IST1: variants seen among roughly 807,000 people sequenced by gnomAD.
The protein encoded by IST1 is IST1 factor associated with ESCRT-III.
Under a neutral mutation model 37.0 loss-of-function variants are expected in IST1, and 23 were observed. That is an observed-to-expected ratio of 0.62 (90% CI 0.45 to 0.88). The LOEUF is 0.88. Among genes scored for constraint, IST1 ranks in the 40% least tolerant of loss-of-function variants. IST1 has a pLI of 0.00. For synonymous variants in IST1, 180 were observed against 161.7 expected (o/e 1.11, Z -0.86); for missense variants, 488 against 445.4 (o/e 1.10, Z -0.86).
intron 9 of IST1, among the ~76,000 whole-genome samples, chr16:71,926,314 T>C (rs1273238977): frequency 1.3e-5 from 2 of 151,916 alleles, no homozygotes; most frequent in Non-Finnish European, 2.9e-5. Context: ...ACAGTTGTCT[T>C]ATGGAGATAC....
intron 1 of IST1, among the ~76,000 whole-genome samples, chr16:71,898,992 C>T (rs915177492): frequency 4.0e-5 from 6 of 149,272 alleles, no homozygotes; most frequent in East Asian, 2.0e-4. Context: ...AAGAAACACT[C>T]TTGGTAAAAG....
intron 1 of IST1, among the ~76,000 whole-genome samples, chr16:71,903,423 T>C (rs904888674): frequency 1.3e-5 from 2 of 152,180 alleles, no homozygotes; most frequent in African/African-American, 4.8e-5. Context: ...AGCTTTCTCT[T>C]TGACCTCCAA....
chr16:71,925,197 T>C (rs1363075848), intron 9 of IST1, among the ~76,000 whole-genome samples: 7 of 151,830 alleles, frequency 4.6e-5, no homozygotes, highest in African/African-American at 1.7e-4. Context: ...GTATTTTTAG[T>C]AGAGACGGGG....
chr16:71,930,082 C>T lies in IST1; in HGVS notation c.*2269C>T. 1.3e-6 allele frequency: 2 copies of T among 1,551,418 alleles called. No individual in the cohort carries two copies. The highest frequency in any genetic ancestry group is 1.2e-5 in the South Asian group (1 of 84,036). The stretch of plus-strand genomic sequence containing the variant: ...GCGACTTTCTTTCTTTTCCAAAGGC[C>T]ATGAGAATGGCCGAAACGAAAAGAT... On this transcript the variant is annotated 3_prime_UTR_variant, in exon 10 of 10. Transcript: ENST00000378799.
chr16:71,915,786 A>G, intron 2 of IST1, 58 bp downstream of exon 2: 1 of 1,069,980 alleles, frequency 9.3e-7, no homozygotes, highest in Non-Finnish European at 1.4e-6. Flanking sequence ...CACCCCAGTA[A>G]TGGGTCTTTC....
At position 71,929,865 on chromosome 16, in the gene IST1, C is replaced by A; in HGVS notation, c.*2052C>A. On this transcript the variant is annotated 3_prime_UTR_variant, in exon 10 of 10. Coordinates refer to ENST00000378799, the MANE Select transcript of IST1 (RefSeq NM_001270975.2). Reference sequence around the variant, plus strand: ...GAGCCAACTATTTATAGGACAATGGCTATAGAATATTATGTAGTCTTATAA... The same window carrying A: ...GAGCCAACTATTTATAGGACAATGGATATAGAATATTATGTAGTCTTATAA... The A allele has an allele frequency of 1.0e-6, 1 of 965,756 alleles. No homozygotes were observed. The highest frequency in any genetic ancestry group is 1.5e-6 in the Non-Finnish European group (1 of 668,524). 59.8% of individuals were successfully genotyped at this position (965,756 alleles called of 1,614,324 possible).
At position 71,927,964 on chromosome 16, in the gene IST1, C is replaced by T; in HGVS notation, c.*151C>T. The T allele has an allele frequency of 3.2e-6, 2 of 627,106 alleles. No homozygotes were observed. The highest frequency in any genetic ancestry group is 3.7e-5 in the South Asian group (2 of 53,450). 38.8% of individuals were successfully genotyped at this position (627,106 alleles called of 1,614,324 possible). On this transcript the variant is annotated 3_prime_UTR_variant, in exon 10 of 10. Coordinates refer to ENST00000378799, the MANE Select transcript of IST1 (RefSeq NM_001270975.2). ...GGCTCTCTTCCTGCTCCTCCAGATTCTGCTGCTTTCCAGTTCTCTGTTGAT... is the reference window on the plus strand; with the variant it reads ...GGCTCTCTTCCTGCTCCTCCAGATTTTGCTGCTTTCCAGTTCTCTGTTGAT...
intron 1 of IST1, among the ~76,000 whole-genome samples, chr16:71,900,453 G>T (rs1471141180): frequency 1.3e-5 from 2 of 148,214 alleles, no homozygotes; most frequent in East Asian, 2.0e-4. Context: ...TCCTCCTCCA[G>T]ATATCCTAAG....
In IST1 at chr16:71,922,693, A is replaced by AG; in HGVS notation, c.759+13_759+14insG. Reference sequence around the variant, plus strand: ...GCCAAAGGGACCAGTAAGTATATATAAGTGTGGATGTAAGCTTTAGAAAAT... The same window carrying AG: ...GCCAAAGGGACCAGTAAGTATATATAGAGTGTGGATGTAAGCTTTAGAAAAT... On this transcript the variant is annotated intron_variant, in intron 7 of 9. Coordinates refer to ENST00000378799, the MANE Select transcript of IST1 (RefSeq NM_001270975.2). 6.7e-7 allele frequency: 1 copy of AG among 1,495,580 alleles called. No homozygotes were observed. The highest frequency in any genetic ancestry group is 9.1e-7 in the Non-Finnish European group (1 of 1,103,414). The allele number at this position is 1,495,580 out of a possible 1,614,324, so 92.6% of individuals were successfully genotyped here.
chr16:71,907,090 T>C (rs1194491088), intron 1 of IST1, among the ~76,000 whole-genome samples: 2 of 152,158 alleles, frequency 1.3e-5, no homozygotes, highest in East Asian at 3.9e-4. Context: ...TGAATTTCTT[T>C]GTATTTTGTC....
In IST1 at chr16:71,929,770, AGTAAAT is replaced by A; in HGVS notation, c.*1963_*1968del. ...AAGTACCAAAGATTTTTAAAAAATT[AGTAAAT>A]GTAAAGATACTATTTCTTTAATAAT... On this transcript the variant is annotated 3_prime_UTR_variant, in exon 10 of 10. Coordinates refer to ENST00000378799, the MANE Select transcript of IST1 (RefSeq NM_001270975.2). 1 of 1,240,874 alleles carries A rather than the reference AGTAAAT, an allele frequency of 8.1e-7. No individual in the cohort carries two copies. The highest frequency in any genetic ancestry group is 1.1e-6 in the Non-Finnish European group (1 of 907,264). 76.9% of individuals were successfully genotyped at this position (1,240,874 alleles called of 1,614,324 possible).
intron 1 of IST1, among the ~76,000 whole-genome samples, chr16:71,899,649 G>A (rs2037056899): frequency 6.6e-6 from 1 of 152,178 alleles, no homozygotes; most frequent in South Asian, 2.1e-4. Context: ...GCCGAGGCGG[G>A]TGGATCACCT....
At chr16:71,901,864 C>T (rs769790572) in intron 1 of IST1, among the ~76,000 whole-genome samples, 1 of 152,120 alleles carries the variant, frequency 6.6e-6, no homozygotes, top group South Asian at 2.1e-4. Flanking sequence ...GGGTGACATA[C>T]CGTTCTAGGC....
At chr16:71,908,061 A>C (rs892639494) in intron 1 of IST1, among the ~76,000 whole-genome samples, 3 of 151,980 alleles carry the variant, frequency 2.0e-5, no homozygotes, top group African/African-American at 7.3e-5. Flanking sequence ...TCTCTGCCTC[A>C]GCCTCCTGAG....
Position 71,917,211 on chromosome 16 carries a change from C to T in IST1, c.357+77C>T, listed in dbSNP as rs566818131. 13 of 818,712 alleles carry T rather than the reference C, an allele frequency of 1.6e-5. No individual in the cohort carries two copies. In the African/African-American group the frequency reaches 2.2e-4, roughly 14 times the overall value. 50.7% of individuals were successfully genotyped at this position (818,712 alleles called of 1,614,324 possible). Reference sequence around the variant, plus strand: ...GGTTGGTTAATATAAGTTACTTCTGCTGATTTGACCAGATATTTTGTACCA... The same window carrying T: ...GGTTGGTTAATATAAGTTACTTCTGTTGATTTGACCAGATATTTTGTACCA... On this transcript the variant is annotated intron_variant, in intron 4 of 9. Transcript: ENST00000378799.
At chr16:71,912,591 A>T (rs889262742) in intron 1 of IST1, among the ~76,000 whole-genome samples, 1 of 152,190 alleles carries the variant, frequency 6.6e-6, no homozygotes, top group Non-Finnish European at 1.5e-5. Flanking sequence ...AGCTCTTGAG[A>T]ATTAAAAATT....
chr16:71,929,087 G>A lies in IST1; in HGVS notation c.*1274G>A, dbSNP rs2143029414. 1 of 154,222 alleles carries A rather than the reference G, an allele frequency of 6.5e-6. No individual in the cohort carries two copies. The highest frequency in any genetic ancestry group is 2.0e-4 in the South Asian group (1 of 4,976). 9.6% of individuals were successfully genotyped at this position (154,222 alleles called of 1,614,324 possible). ...AGAATATTTTAACCAAGTGATCCAT[G>A]TAAACCAGCCCTTAGTTTCAGGATT... On this transcript the variant is annotated 3_prime_UTR_variant, in exon 10 of 10. Transcript: ENST00000378799.
chr16:71,912,397 C>G (rs1258751057), intron 1 of IST1, among the ~76,000 whole-genome samples: 4 of 152,134 alleles, frequency 2.6e-5, no homozygotes. Context: ...GCCACCATGC[C>G]TGGCTAATTT....
Position 71,929,912 on chromosome 16 carries a change from G to C in IST1, c.*2099G>C. ...ATAAATTGGGTTTCCTAGGAAGATA[G>C]CTGGCAGAGCTTTTGAAACTAATAA... On this transcript the variant is annotated 3_prime_UTR_variant, in exon 10 of 10. Coordinates refer to ENST00000378799, the MANE Select transcript of IST1 (RefSeq NM_001270975.2). 1.7e-6 allele frequency: 2 copies of C among 1,150,346 alleles called. No individual in the cohort carries two copies. Among genetic ancestry groups the C allele is most frequent in the Non-Finnish European group, 1.2e-6 (1 of 834,982 alleles). 71.3% of individuals were successfully genotyped at this position (1,150,346 alleles called of 1,614,324 possible). A position where few individuals can be genotyped will look rare whatever the true frequency, so the allele number is the denominator to read the frequency against.
Sources: allele counts gnomAD v4.1 joint callset (sites outside exome capture counted in the v4.1 genomes callset), GRCh38; gene constraint gnomAD v4.1.1; transcripts MANE v1.5; gene names NCBI Gene and HGNC (gene_info 2026-07-23, HGNC 2026-07-21).